Variants in DNAH9 observed in about 807,000 individuals in gnomAD.
DNAH9 encodes DNAH9 variant protein.
In DNAH9, 345 loss-of-function variants were observed where a neutral mutation model predicts 471.6. The ratio of observed to expected loss-of-function variants is 0.73; its 90% CI spans 0.67 to 0.80. The LOEUF (loss-of-function observed/expected upper bound fraction) is 0.80. Among genes scored for constraint, DNAH9 ranks in the 30% least tolerant of loss-of-function variants. DNAH9 has a pLI of 0.00. For missense variants in DNAH9, 5,407 were observed against 5,609.2 expected (o/e 0.96, Z 1.15); for synonymous variants, 2,093 against 2,123.6 (o/e 0.99, Z 0.40).
Position 11,681,548 on chromosome 17 carries a change from G to A in DNAH9, c.3743+659G>A, listed in dbSNP as rs144232685. On this transcript the variant is annotated intron_variant, in intron 19 of 68. Coordinates refer to ENST00000262442, the MANE Select transcript of DNAH9 (RefSeq NM_001372.4). ...CAGGAGGCCAAGCTGGAGCTCAATG[G>A]TCCTACATCTGCTGATGTGCCAGCT... Among the ~76,000 whole-genome samples the A allele has an allele frequency of 4.0e-3, 602 of 152,248 alleles. 5 individuals carry two copies. Among genetic ancestry groups the A allele is most frequent in the African/African-American group, 0.014 (569 of 41,532 alleles).
rs1052617288 is a variant in DNAH9, at chr17:11,851,582, CAG to C, written c.9508-2416_9508-2415del. On this transcript the variant is annotated intron_variant, in intron 49 of 68. Transcript: ENST00000262442. ...AGAAAAGGAGAAAGTGGGCCACAGT[CAG>C]AGAGTTAGACCGTGTGCCTTCCAAC... Among the ~76,000 whole-genome samples, 5 of 152,226 alleles carry C rather than the reference CAG, an allele frequency of 3.3e-5. No homozygotes were observed. In the East Asian group the frequency reaches 5.8e-4, roughly 18 times the overall value.
chr17:11,855,325 T>C (rs1971589023), intron 50 of DNAH9, among the ~76,000 whole-genome samples: 1 of 152,230 alleles, frequency 6.6e-6, no homozygotes, highest in Non-Finnish European at 1.5e-5. Context: ...AAAGAAATTT[T>C]CTATAATAGG....
chr17:11,911,272 T>A (rs1973785839), intron 61 of DNAH9, among the ~76,000 whole-genome samples: 1 of 152,228 alleles, frequency 6.6e-6, no homozygotes, highest in South Asian at 2.1e-4. Flanking sequence ...TTGTCCCTGC[T>A]CCATTTGTTG....
intron 61 of DNAH9, among the ~76,000 whole-genome samples, chr17:11,907,057 C>T (rs1973626739): frequency 6.6e-6 from 1 of 152,112 alleles, no homozygotes; most frequent in Non-Finnish European, 1.5e-5. Flanking sequence ...TGTCCAACTT[C>T]AAAACCAAAA....
At chr17:11,965,088 G>GA (rs1323140924) in intron 68 of DNAH9, among the ~76,000 whole-genome samples, 1 of 152,194 alleles carries the variant, frequency 6.6e-6, no homozygotes, top group Non-Finnish European at 1.5e-5. Context: ...CGGAGAATGA[G>GA]ATGGCCATAG....
intron 61 of DNAH9, among the ~76,000 whole-genome samples, chr17:11,907,458 GA>G (rs58982882): frequency 3.9e-4 from 56 of 142,592 alleles, no homozygotes; most frequent in South Asian, 1.6e-3. Context: ...CAACAAGAGT[GA>G]AAAAAAAAAA....
At chr17:11,727,946 G>T (rs1457003291) in intron 28 of DNAH9, 24 bp downstream of exon 28, 1 of 1,484,722 alleles carries the variant, frequency 6.7e-7, no homozygotes, top group Non-Finnish European at 9.4e-7. Flanking sequence ...GTTGGTGGGA[G>T]CCTTGTGGTC....
At chr17:11,690,498 C>G in intron 20 of DNAH9, 62 bp downstream of exon 20, 1 of 1,479,756 alleles carries the variant, frequency 6.8e-7, no homozygotes, top group African/African-American at 1.4e-5. Flanking sequence ...GGAAGGTCAC[C>G]CAGTTCCTGC....
In DNAH9 at chr17:11,654,374, A is replaced by AAAAAAAAAAAAAAAAG. The variant is rs1353333314; in HGVS notation, c.2595+1376_2595+1377insAAAAAAAAAAAGAAAA. On this transcript the variant is annotated intron_variant, in intron 14 of 68. Transcript: ENST00000262442. ...CCGTCTCAAAAAAAAAAAAAAAAAA[A>AAAAAAAAAAAAAAAAG]AAAAGTTTAAAATCGATCTATCATC... Among the ~76,000 whole-genome samples the AAAAAAAAAAAAAAAAG allele has an allele frequency of 8.8e-4, 51 of 57,788 alleles. 9 individuals are homozygous for AAAAAAAAAAAAAAAAG. The highest frequency in any genetic ancestry group is 1.4e-3 in the Non-Finnish European group (35 of 24,146). 37.9% of individuals were successfully genotyped at this position (57,788 alleles called of 152,430 possible). A position where few individuals can be genotyped will look rare whatever the true frequency, so the allele number is the denominator to read the frequency against.
At chr17:11,831,239 C>T (rs1293908739) in intron 48 of DNAH9, among the ~76,000 whole-genome samples, 2 of 152,108 alleles carry the variant, frequency 1.3e-5, no homozygotes, top group Non-Finnish European at 2.9e-5. Flanking sequence ...AGCATGGCAC[C>T]AATGTCTGCA....
chr17:11,841,328 C>T (rs1046426832), intron 49 of DNAH9, among the ~76,000 whole-genome samples: 1 of 152,096 alleles, frequency 6.6e-6, no homozygotes, highest in Non-Finnish European at 1.5e-5. Flanking sequence ...TCCAAAGAGG[C>T]TCTGGGAACC....
intron 43 of DNAH9, among the ~76,000 whole-genome samples, chr17:11,800,493 A>T (rs901923915): frequency 6.6e-6 from 1 of 152,096 alleles, no homozygotes; most frequent in Admixed American, 6.5e-5. Flanking sequence ...AAAAATAATA[A>T]ACTATTCCTT....
chr17:11,735,686 C>T (rs1186952509), intron 28 of DNAH9, among the ~76,000 whole-genome samples: 6 of 152,168 alleles, frequency 3.9e-5, no homozygotes, highest in African/African-American at 1.4e-4. Context: ...CCGCCCGCCT[C>T]GGCCTCCCAA....
At chr17:11,766,101 CT>C (rs951186907) in intron 36 of DNAH9, among the ~76,000 whole-genome samples, 3 of 152,068 alleles carry the variant, frequency 2.0e-5, no homozygotes, top group Non-Finnish European at 4.4e-5. Flanking sequence ...AGGGAGAAAG[CT>C]TTTAGCAGCA....
intron 14 of DNAH9, among the ~76,000 whole-genome samples, chr17:11,654,130 C>T (rs2073574704): frequency 1.5e-5 from 1 of 66,830 alleles, no homozygotes. Context: ...CCGAGGCGGG[C>T]GGATCACGAG....
At chr17:11,766,431 C>T (rs1483889797) in intron 36 of DNAH9, among the ~76,000 whole-genome samples, 3 of 152,078 alleles carry the variant, frequency 2.0e-5, no homozygotes, top group East Asian at 3.9e-4. Context: ...CCAATTCTGT[C>T]GTTTCATAAA....
chr17:11,800,867 G>T (rs1690518763), intron 43 of DNAH9, among the ~76,000 whole-genome samples: 1 of 152,172 alleles, frequency 6.6e-6, no homozygotes, highest in Admixed American at 6.5e-5. Context: ...GAACCTAGCA[G>T]GTGCTCAGTA....
At chr17:11,676,574 C>A (rs1408603426) in intron 17 of DNAH9, among the ~76,000 whole-genome samples, 1 of 152,116 alleles carries the variant, frequency 6.6e-6, no homozygotes, top group African/African-American at 2.4e-5. Flanking sequence ...TGAGCCACTG[C>A]ACCTGGCCTT....
intron 51 of DNAH9, 78 bp downstream of exon 51, chr17:11,869,331 G>A (rs945941020): frequency 3.8e-6 from 6 of 1,574,272 alleles, no homozygotes; most frequent in East Asian, 4.5e-5. Flanking sequence ...CAAGATAGAT[G>A]AGCACAGCAC....
Sources: gnomAD v4.1 joint callset for allele counts (sites outside exome capture counted in the v4.1 genomes callset) on GRCh38, gnomAD v4.1.1 for gene constraint, MANE v1.5 for transcripts, NCBI Gene and HGNC (gene_info 2026-07-23, HGNC 2026-07-21) for gene names.